Variants in SPRY3 observed in about 807,000 individuals in gnomAD.
The protein encoded by SPRY3 is protein sprouty homolog 3.
SPRY3 carries 15 observed loss-of-function variants against 20.2 expected under a neutral mutation model. That is an observed-to-expected ratio of 0.74 (90% CI 0.50 to 1.14). The LOEUF is 1.14. SPRY3 is among the 50% of genes most tolerant of loss of function. SPRY3 has a pLI of 0.00. For synonymous variants in SPRY3, 143 were observed against 136.5 expected (o/e 1.05, Z -0.33); for missense variants, 364 against 363.9 (o/e 1.00, Z 0.00).
intron 2 of SPRY3, among the ~76,000 whole-genome samples, chrX:155,754,176 C>A (rs2124585486): frequency 6.6e-6 from 1 of 152,078 alleles, no homozygotes; most frequent in African/African-American, 2.4e-5. Context: ...TCCAAGGTCA[C>A]AAATATTTAC....
intron 2 of SPRY3, among the ~76,000 whole-genome samples, chrX:155,662,823 C>T (rs782645043): frequency 2.5e-4 from 27 of 109,890 alleles, no homozygotes; most frequent in Non-Finnish European, 4.7e-4. Context: ...TGGATATAAA[C>T]GTGGAAAAGT....
chrX:155,774,884 A>G (rs2091413839), exon 4 of SPRY3: 1 of 887,276 alleles, frequency 1.1e-6, no homozygotes, highest in South Asian at 1.7e-5. Context: ...GGAATGACCA[A>G]GTACATCCTG....
intron 1 of SPRY3, among the ~76,000 whole-genome samples, chrX:155,645,129 A>T (rs2067953779): frequency 1.8e-5 from 2 of 111,549 alleles, no homozygotes; most frequent in Admixed American, 1.9e-4. Flanking sequence ...TAGAAATGTC[A>T]TCTGGGAGTT....
intron 2 of SPRY3, among the ~76,000 whole-genome samples, chrX:155,765,959 C>T (rs765993681): frequency 1.3e-5 from 2 of 152,258 alleles, no homozygotes; most frequent in South Asian, 4.1e-4. Flanking sequence ...TCTATTTGAC[C>T]TGAATCTAGT....
At chrX:155,704,925 A>G (rs1450187951) in intron 2 of SPRY3, among the ~76,000 whole-genome samples, 1 of 151,626 alleles carries the variant, frequency 6.6e-6, no homozygotes, top group African/African-American at 2.4e-5. Flanking sequence ...AAATCTTTTT[A>G]AAATGAAGGT....
chrX:155,625,859 T>G (rs1362883798), intron 1 of SPRY3, among the ~76,000 whole-genome samples: 2 of 111,681 alleles, frequency 1.8e-5, no homozygotes, highest in African/African-American at 6.5e-5. Flanking sequence ...TCACTGAGCA[T>G]AATGTTTTTA....
At chrX:155,639,484 A>T (rs989193792) in intron 1 of SPRY3, among the ~76,000 whole-genome samples, 12 of 112,283 alleles carry the variant, frequency 1.1e-4, no homozygotes. Flanking sequence ...TCCTTATGTG[A>T]CTGGCTTTCT....
intron 2 of SPRY3, among the ~76,000 whole-genome samples, chrX:155,746,918 T>C (rs2124578452): frequency 6.6e-6 from 1 of 152,078 alleles, no homozygotes; most frequent in African/African-American, 2.4e-5. Context: ...ATGTTTCTAT[T>C]TCTGTCTGTA....
chrX:155,735,589 T>G (rs1799257611), intron 2 of SPRY3, among the ~76,000 whole-genome samples: 1 of 152,060 alleles, frequency 6.6e-6, no homozygotes, highest in African/African-American at 2.4e-5. Flanking sequence ...AGATTTTTCT[T>G]GCTCTGAAAT....
At chrX:155,711,231 G>A (rs143856601) in intron 2 of SPRY3, among the ~76,000 whole-genome samples, 12 of 151,704 alleles carry the variant, frequency 7.9e-5, no homozygotes, top group African/African-American at 2.9e-4. Flanking sequence ...GAGTAGGATT[G>A]GTATTAGTTC....
At chrX:155,635,107 A>G (rs1024033176) in intron 1 of SPRY3, among the ~76,000 whole-genome samples, 2 of 107,840 alleles carry the variant, frequency 1.9e-5, no homozygotes, top group Non-Finnish European at 3.8e-5. Flanking sequence ...TCATTGTTCA[A>G]CTCCCACTTA....
chrX:155,770,089 A>T (rs1422592019), intron 3 of SPRY3, among the ~76,000 whole-genome samples: 1 of 152,174 alleles, frequency 6.6e-6, no homozygotes, highest in East Asian at 1.9e-4. Context: ...AACACACCTA[A>T]GAGCCGTTAC....
intron 2 of SPRY3, among the ~76,000 whole-genome samples, chrX:155,740,521 T>C (rs1000504152): frequency 1.3e-5 from 2 of 152,012 alleles, no homozygotes; most frequent in Non-Finnish European, 2.9e-5. Context: ...GCTCTGGGAG[T>C]GTCTGTCTTA....
At chrX:155,714,224 G>C (rs1006846007) in intron 2 of SPRY3, among the ~76,000 whole-genome samples, 10 of 152,086 alleles carry the variant, frequency 6.6e-5, no homozygotes, top group African/African-American at 2.4e-4. Flanking sequence ...CATTTGATGA[G>C]ATTATGTTTT....
intron 2 of SPRY3, among the ~76,000 whole-genome samples, chrX:155,765,326 C>T (rs2091320976): frequency 6.6e-6 from 1 of 152,162 alleles, no homozygotes; most frequent in Non-Finnish European, 1.5e-5. Context: ...AATCCTAGAT[C>T]TGCAAACTGC....
intron 2 of SPRY3, among the ~76,000 whole-genome samples, chrX:155,686,136 A>AT (rs767308400): frequency 9.0e-6 from 1 of 111,269 alleles, no homozygotes; most frequent in East Asian, 2.8e-4. Flanking sequence ...TCTCCTTTAT[A>AT]TTTTTTATTT....
intron 2 of SPRY3, among the ~76,000 whole-genome samples, chrX:155,669,486 A>G (rs1471404841): frequency 9.0e-6 from 1 of 111,059 alleles, no homozygotes; most frequent in African/African-American, 3.3e-5. Context: ...TAACAAAGTC[A>G]GCTAGTATAA....
downstream of SPRY3, chrX:155,778,169 G>A (rs996615267): frequency 1.2e-5 from 2 of 166,944 alleles, no homozygotes; most frequent in Non-Finnish European, 1.5e-5. Flanking sequence ...TGACTCCCAG[G>A]TCCATGCTCC....
intron 2 of SPRY3, among the ~76,000 whole-genome samples, chrX:155,765,824 G>T (rs2091324520): frequency 6.6e-6 from 1 of 152,158 alleles, no homozygotes; most frequent in Admixed American, 6.5e-5. Flanking sequence ...TTACATTAGA[G>T]CAAGAACAAT....
Sources: allele counts gnomAD v4.1 joint callset (sites outside exome capture counted in the v4.1 genomes callset), GRCh38; gene constraint gnomAD v4.1.1; transcripts MANE v1.5; gene names NCBI Gene and HGNC (gene_info 2026-07-23, HGNC 2026-07-21).